CAST: variants seen among roughly 807,000 people sequenced by gnomAD.
CAST encodes MIR583 host.
CAST carries 76 observed loss-of-function variants against 119.6 expected under a neutral mutation model. The observed-to-expected ratio is 0.64, with a 90% CI of 0.53 to 0.77. The LOEUF (loss-of-function observed/expected upper bound fraction) is 0.77. CAST is among the 30% of genes least tolerant of loss of function. The pLI, the probability that CAST is intolerant of heterozygous loss-of-function variation, is 0.00. For synonymous variants in CAST, 319 were observed against 331.6 expected, an observed-to-expected ratio of 0.96 and a Z score of 0.41; for missense variants, 953 against 946.5, an observed-to-expected ratio of 1.01 and a Z score of -0.09.
chr5:96,445,031 A>T, the CAST span, among the ~76,000 whole-genome samples: 1 of 152,168 alleles, frequency 6.6e-6, no homozygotes, highest in Non-Finnish European at 1.5e-5. Context: ...GGTTAGTTGG[A>T]TTCCAGAGAG....
the CAST span, chr5:96,079,111 A>G: frequency 2.1e-6 from 1 of 471,680 alleles, no homozygotes; most frequent in Non-Finnish European, 4.4e-6. Context: ...TATTTAAATG[A>G]TAGGAAGGCT....
the CAST span, among the ~76,000 whole-genome samples, chr5:96,291,126 A>C: frequency 6.6e-6 from 1 of 152,204 alleles, no homozygotes; most frequent in Non-Finnish European, 1.5e-5. Context: ...AGACACAATC[A>C]AACCTTCATA....
the CAST span, chr5:96,432,149 T>G: frequency 1.8e-3 from 2,714 of 1,535,134 alleles, 71 homozygotes; most frequent in South Asian, 0.029. Flanking sequence ...GACCCTGCAG[T>G]GGGACTGGCC....
the CAST span, among the ~76,000 whole-genome samples, chr5:96,327,848 A>G: frequency 6.6e-6 from 1 of 152,108 alleles, no homozygotes; most frequent in Non-Finnish European, 1.5e-5. Context: ...GATAACACTC[A>G]CTCTGTTGAT....
chr5:96,397,463 C>T, the CAST span: 1 of 1,612,880 alleles, frequency 6.2e-7, no homozygotes, highest in Non-Finnish European at 8.5e-7. Context: ...GAGCACAGTG[C>T]TAGTTCCTAT....
chr5:96,332,142 G>A, the CAST span, among the ~76,000 whole-genome samples: 1 of 152,138 alleles, frequency 6.6e-6, no homozygotes, highest in Non-Finnish European at 1.5e-5. Context: ...TTATACAAGA[G>A]ATCAATAAAA....
At chr5:96,762,242 C>A in intron 24 of CAST, 32 bp from the exon 25 acceptor site, 1 of 1,416,450 alleles carries the variant, frequency 7.1e-7, no homozygotes, top group Admixed American at 1.8e-5. Context: ...TTATATACAA[C>A]ATGTTACTAA....
At chr5:96,657,533 T>C (rs1383043843), upstream of CAST, among the ~76,000 whole-genome samples, 1 of 152,218 alleles carries the variant, frequency 6.6e-6, no homozygotes, top group Non-Finnish European at 1.5e-5. Flanking sequence ...AAGAATATGA[T>C]AATTCTTATA....
intron 1 of CAST, among the ~76,000 whole-genome samples, chr5:96,553,668 C>T (rs1324467115): frequency 3.9e-5 from 6 of 152,120 alleles, no homozygotes; most frequent in Non-Finnish European, 5.9e-5. Context: ...TCGTCTCAGC[C>T]CAAAATCTCC....
At chr5:96,355,412 C>G in the CAST span, among the ~76,000 whole-genome samples, 1 of 152,162 alleles carries the variant, frequency 6.6e-6, no homozygotes, top group African/African-American at 2.4e-5. Flanking sequence ...GCCACATTTT[C>G]TTTATCCAGT....
intron 22 of CAST, chr5:96,754,973 A>G (rs895181726): frequency 6.4e-6 from 2 of 312,794 alleles, no homozygotes; most frequent in Non-Finnish European, 1.2e-5. Context: ...AAGCTACCTA[A>G]TGTTTTCCTT....
chr5:96,507,953 A>T, the CAST span, among the ~76,000 whole-genome samples: 1 of 151,488 alleles, frequency 6.6e-6, no homozygotes, highest in African/African-American at 2.4e-5. Context: ...TCTTTGAATA[A>T]CATTGGATTG....
the CAST span, among the ~76,000 whole-genome samples, chr5:96,518,697 G>A: frequency 6.6e-6 from 1 of 152,102 alleles, no homozygotes; most frequent in Non-Finnish European, 1.5e-5. Context: ...ATTGAACCCT[G>A]CTCAACAGCA....
intron 2 of CAST, 90 bp downstream of exon 2, chr5:96,675,691 C>A: frequency 2.2e-6 from 2 of 923,678 alleles, no homozygotes; most frequent in Non-Finnish European, 3.4e-6. Context: ...TAGCAAAGAG[C>A]TTCTACCTTG....
At chr5:96,002,682 G>C in the CAST span, among the ~76,000 whole-genome samples, 3 of 152,156 alleles carry the variant, frequency 2.0e-5, no homozygotes, top group Non-Finnish European at 2.9e-5. Flanking sequence ...TGCCCACATG[G>C]AGTGAATGGC....
At chr5:96,712,237 C>G (rs956505621) in intron 3 of CAST, among the ~76,000 whole-genome samples, 2 of 152,206 alleles carry the variant, frequency 1.3e-5, no homozygotes, top group Non-Finnish European at 2.9e-5. Flanking sequence ...GAAATTTGCT[C>G]AAGGTCACAC....
chr5:96,514,393 C>T, the CAST span, among the ~76,000 whole-genome samples: 1 of 152,176 alleles, frequency 6.6e-6, no homozygotes. Flanking sequence ...TTCACCCTTA[C>T]ACCCAGAACC....
At chr5:96,052,380 A>T in the CAST span, among the ~76,000 whole-genome samples, 1 of 151,986 alleles carries the variant, frequency 6.6e-6, no homozygotes, top group Admixed American at 6.5e-5. Flanking sequence ...AGTACAAGAC[A>T]CAACCATACA....
At chr5:96,661,419 G>GA (rs34922511), upstream of CAST, among the ~76,000 whole-genome samples, 827 of 88,274 alleles carry the variant, frequency 9.4e-3, 9 homozygotes, top group Non-Finnish European at 0.012. Flanking sequence ...TGCCTCTCCA[G>GA]AAAAAAAAAA....
Sources: gnomAD v4.1 joint callset for allele counts (sites outside exome capture counted in the v4.1 genomes callset) on GRCh38, gnomAD v4.1.1 for gene constraint, MANE v1.5 for transcripts, NCBI Gene and HGNC (gene_info 2026-07-23, HGNC 2026-07-21) for gene names.